Variants in TBC1D5 observed in about 807,000 individuals in gnomAD.
The protein encoded by TBC1D5 is TBC1 domain family, member 5.
Under a neutral mutation model 100.3 loss-of-function variants are expected in TBC1D5, and 75 were observed. That is an observed-to-expected ratio of 0.75 (90% CI 0.62 to 0.91). The LOEUF is 0.91. Among genes scored for constraint, TBC1D5 ranks in the 40% least tolerant of loss-of-function variants. The pLI, the probability that TBC1D5 is intolerant of heterozygous loss-of-function variation, is 0.00. For missense variants in TBC1D5, 910 were observed against 942.4 expected, an observed-to-expected ratio of 0.97 and a Z score of 0.45; for synonymous variants, 323 against 325.6, an observed-to-expected ratio of 0.99 and a Z score of 0.09.
intron 1 of TBC1D5, among the ~76,000 whole-genome samples, chr3:17,735,995 C>T (rs1321069391): frequency 6.6e-6 from 1 of 152,228 alleles, no homozygotes; most frequent in Non-Finnish European, 1.5e-5. Context: ...ATCATTGTCC[C>T]TCCCACTGTG....
chr3:17,697,529 C>T (rs1331292998), intron 1 of TBC1D5, among the ~76,000 whole-genome samples: 1 of 152,160 alleles, frequency 6.6e-6, no homozygotes. Context: ...AATAAAATGC[C>T]TAAGAATCCA....
At chr3:17,386,106 CTT>C (rs2093141788) in intron 8 of TBC1D5, among the ~76,000 whole-genome samples, 1 of 152,048 alleles carries the variant, frequency 6.6e-6, no homozygotes, top group Non-Finnish European at 1.5e-5. Context: ...TCTTGGGAAA[CTT>C]AGCCATTAAG....
intron 3 of TBC1D5, among the ~76,000 whole-genome samples, chr3:17,434,700 T>C (rs1240425206): frequency 6.6e-6 from 1 of 152,202 alleles, no homozygotes; most frequent in African/African-American, 2.4e-5. Context: ...GAAGGGGCTG[T>C]GGTGAAGGTC....
At chr3:17,372,098 T>G (rs1409099559) in exon 13 of TBC1D5, 3 of 1,612,306 alleles carry the variant, frequency 1.9e-6, no homozygotes, top group Middle Eastern at 1.7e-4. Context: ...GTGGTGCAAT[T>G]TCTAGTCTGT....
chr3:17,391,383 A>T (rs2093346497), intron 8 of TBC1D5, among the ~76,000 whole-genome samples: 3 of 152,036 alleles, frequency 2.0e-5, no homozygotes, highest in Admixed American at 2.0e-4. Flanking sequence ...TAACCACGTG[A>T]CTGCAATCTC....
At chr3:17,395,993 G>C (rs569839199) in intron 8 of TBC1D5, among the ~76,000 whole-genome samples, 66 of 152,142 alleles carry the variant, frequency 4.3e-4, no homozygotes, top group African/African-American at 1.5e-3. Flanking sequence ...AAGGACTACA[G>C]GCCATTTGAC....
chr3:17,489,143 A>G (rs2095607142), intron 3 of TBC1D5, among the ~76,000 whole-genome samples: 1 of 152,068 alleles, frequency 6.6e-6, no homozygotes, highest in Non-Finnish European at 1.5e-5. Context: ...GACTGAGTGC[A>G]ATGAGTATCA....
At chr3:17,618,615 C>A (rs1294394775) in intron 2 of TBC1D5, among the ~76,000 whole-genome samples, 1 of 152,228 alleles carries the variant, frequency 6.6e-6, no homozygotes, top group Non-Finnish European at 1.5e-5. Flanking sequence ...ATGGGGGACG[C>A]CCCTCCCCCA....
chr3:17,359,453 A>T (rs2091510748), intron 13 of TBC1D5, among the ~76,000 whole-genome samples: 1 of 152,114 alleles, frequency 6.6e-6, no homozygotes, highest in East Asian at 1.9e-4. Flanking sequence ...TCCTTAAAGT[A>T]ACTTTACAAA....
intron 9 of TBC1D5, among the ~76,000 whole-genome samples, chr3:17,381,018 A>C (rs971885217): frequency 1.3e-5 from 2 of 152,108 alleles, no homozygotes; most frequent in Non-Finnish European, 2.9e-5. Context: ...CAGTCCTTCT[A>C]CAGCAAGGTA....
intron 13 of TBC1D5, among the ~76,000 whole-genome samples, chr3:17,321,289 C>A (rs569766460): frequency 2.4e-4 from 36 of 152,282 alleles, no homozygotes; most frequent in Non-Finnish European, 4.6e-4. Flanking sequence ...GTCTCAAACT[C>A]CTGGCCTCAA....
At chr3:17,650,916 T>C (rs1482636340) in intron 1 of TBC1D5, among the ~76,000 whole-genome samples, 1 of 152,238 alleles carries the variant, frequency 6.6e-6, no homozygotes, top group Non-Finnish European at 1.5e-5. Context: ...TCAGATTTTA[T>C]ACTGCATTGA....
intron 14 of TBC1D5, among the ~76,000 whole-genome samples, chr3:17,299,858 CAAAAAAAAAA>C (rs10590475): frequency 8.2e-5 from 4 of 48,590 alleles, no homozygotes; most frequent in Non-Finnish European, 1.4e-4. Context: ...GACTCCGTCT[CAAAAAAAAAA>C]AAAAAAAAAA....
At chr3:17,548,922 C>T (rs1330893690) in intron 2 of TBC1D5, among the ~76,000 whole-genome samples, 1 of 152,110 alleles carries the variant, frequency 6.6e-6, no homozygotes, top group African/African-American at 2.4e-5. Flanking sequence ...TTAAATTTAC[C>T]TATTGAAAAT....
chr3:17,209,417 T>A, intron 18 of TBC1D5, among the ~76,000 whole-genome samples: 1 of 152,156 alleles, frequency 6.6e-6, no homozygotes, highest in Non-Finnish European at 1.5e-5. Flanking sequence ...TCCCTAAGTG[T>A]TGGGATTACA....
chr3:17,182,955 C>T (rs961314036), intron 19 of TBC1D5, among the ~76,000 whole-genome samples: 1 of 152,046 alleles, frequency 6.6e-6, no homozygotes, highest in African/African-American at 2.4e-5. Context: ...TAAACGCAAT[C>T]TTTACCTGCC....
intron 1 of TBC1D5, among the ~76,000 whole-genome samples, chr3:17,724,485 T>G (rs897058024): frequency 6.6e-6 from 1 of 152,208 alleles, no homozygotes; most frequent in Non-Finnish European, 1.5e-5. Flanking sequence ...GCTATCATTG[T>G]AACTGCCTCA....
chr3:17,474,928 T>C (rs1384515424), intron 3 of TBC1D5, among the ~76,000 whole-genome samples: 1 of 151,982 alleles, frequency 6.6e-6, no homozygotes, highest in Non-Finnish European at 1.5e-5. Flanking sequence ...CGTAACAATG[T>C]GGAAGAAAAA....
At chr3:17,669,883 TTTTGTTTG>T (rs369245768) in intron 1 of TBC1D5, among the ~76,000 whole-genome samples, 1 of 152,100 alleles carries the variant, frequency 6.6e-6, no homozygotes, top group Non-Finnish European at 1.5e-5. Flanking sequence ...GTCCCATGTT[TTTTGTTTG>T]TTTGTTTGTT....
Sources: gnomAD v4.1 joint callset for allele counts (sites outside exome capture counted in the v4.1 genomes callset) on GRCh38, gnomAD v4.1.1 for gene constraint, MANE v1.5 for transcripts, NCBI Gene and HGNC (gene_info 2026-07-23, HGNC 2026-07-21) for gene names.